Variants in ATRN observed in about 807,000 individuals in gnomAD.
ATRN encodes the protein attractin.
In ATRN, 54 loss-of-function variants were observed where a neutral mutation model predicts 178.7. That is an observed-to-expected ratio of 0.30 (90% CI 0.24 to 0.38). ATRN has a LOEUF of 0.38. ATRN is among the 10% of genes least tolerant of loss of function. ATRN has a pLI of 1.00. For missense variants in ATRN, 1,443 were observed against 1,815.1 expected (o/e 0.79, Z 3.73); for synonymous variants, 636 against 663.0 (o/e 0.96, Z 0.63).
At chr20:3,578,494 T>C in intron 14 of ATRN, 88 bp from the exon 15 acceptor site, 7 of 1,208,766 alleles carry the variant, frequency 5.8e-6, no homozygotes, top group Non-Finnish European at 8.0e-6. Flanking sequence ...AGAAAGGCCA[T>C]TTCGGTATTC....
At chr20:3,507,845 G>A (rs919835021) in intron 1 of ATRN, among the ~76,000 whole-genome samples, 4 of 151,876 alleles carry the variant, frequency 2.6e-5, no homozygotes, top group African/African-American at 7.2e-5. Context: ...ACCACGCTCA[G>A]CTAATTTTTG....
At chr20:3,516,182 A>T (rs1448081348) in intron 1 of ATRN, among the ~76,000 whole-genome samples, 1 of 152,224 alleles carries the variant, frequency 6.6e-6, no homozygotes. Context: ...AATAAGGTGT[A>T]AAAAGTGAAT....
chr20:3,604,730 C>T (rs1568759465), intron 24 of ATRN, among the ~76,000 whole-genome samples: 1 of 152,152 alleles, frequency 6.6e-6, no homozygotes, highest in South Asian at 2.1e-4. Context: ...AGAACATCAG[C>T]CTTCTAGTCA....
intron 1 of ATRN, among the ~76,000 whole-genome samples, chr20:3,534,300 G>A (rs2085493699): frequency 6.6e-6 from 1 of 152,178 alleles, no homozygotes; most frequent in Non-Finnish European, 1.5e-5. Flanking sequence ...CTGGAGAGAT[G>A]AGATAGTAGT....
At chr20:3,604,357 G>A (rs1568759232) in intron 24 of ATRN, 95 bp downstream of exon 24, 1 of 1,382,534 alleles carries the variant, frequency 7.2e-7, no homozygotes, top group Non-Finnish European at 9.7e-7. Flanking sequence ...TAAATGAGAT[G>A]TGCAATGTGG....
At chr20:3,544,817 C>A (rs2085674885) in intron 3 of ATRN, among the ~76,000 whole-genome samples, 1 of 144,972 alleles carries the variant, frequency 6.9e-6, no homozygotes. Flanking sequence ...GACCCTTTTA[C>A]TCAGTAAGGT....
At chr20:3,573,762 A>AT (rs375805158) in intron 12 of ATRN, among the ~76,000 whole-genome samples, 21 of 4,670 alleles carry the variant, frequency 4.5e-3, no homozygotes, top group African/African-American at 0.017. Flanking sequence ...ATTTTATTTT[A>AT]TTTATTTATT....
chr20:3,597,715 C>T (rs917413288), intron 21 of ATRN, among the ~76,000 whole-genome samples, 191 bp from the exon 22 acceptor site: 8 of 152,122 alleles, frequency 5.3e-5, no homozygotes, highest in African/African-American at 1.9e-4. Context: ...TTCTTTAAAG[C>T]GGTTTGATGG....
At chr20:3,488,693 G>C (rs925588572) in intron 1 of ATRN, among the ~76,000 whole-genome samples, 2 of 151,948 alleles carry the variant, frequency 1.3e-5, no homozygotes, top group African/African-American at 4.8e-5. Flanking sequence ...GGCTCTTCTT[G>C]GTCCATGGCA....
intron 6 of ATRN, among the ~76,000 whole-genome samples, chr20:3,556,859 G>A (rs912735940): frequency 6.6e-6 from 1 of 151,998 alleles, no homozygotes; most frequent in African/African-American, 2.4e-5. Flanking sequence ...GTTCACCTTA[G>A]CCAGATTATG....
chr20:3,580,793 C>T (rs760875601), intron 15 of ATRN, among the ~76,000 whole-genome samples: 2 of 152,164 alleles, frequency 1.3e-5, no homozygotes, highest in Admixed American at 6.5e-5. Context: ...CCAGACCCTG[C>T]GAGGCCATGG....
At chr20:3,492,376 C>G (rs2084807194) in intron 1 of ATRN, among the ~76,000 whole-genome samples, 1 of 152,070 alleles carries the variant, frequency 6.6e-6, no homozygotes, top group Admixed American at 6.6e-5. Flanking sequence ...AGACTTCATT[C>G]CACAGTCTGT....
intron 1 of ATRN, among the ~76,000 whole-genome samples, chr20:3,486,480 T>C (rs2084695692): frequency 6.6e-6 from 1 of 152,212 alleles, no homozygotes; most frequent in Admixed American, 6.5e-5. Flanking sequence ...TGATCTTGAC[T>C]CACTGCAACC....
At chr20:3,634,005 A>G (rs558605862) in intron 25 of ATRN, among the ~76,000 whole-genome samples, 2 of 152,256 alleles carry the variant, frequency 1.3e-5, no homozygotes, top group Admixed American at 6.5e-5. Context: ...ATTATCTTAG[A>G]ATTATTTTTC....
chr20:3,616,068 G>A (rs1447225787), intron 24 of ATRN: 1 of 165,088 alleles, frequency 6.1e-6, no homozygotes, highest in Non-Finnish European at 1.3e-5. Flanking sequence ...AGAAAAATGT[G>A]TTATTCCTTT....
intron 6 of ATRN, among the ~76,000 whole-genome samples, chr20:3,554,246 G>A (rs1313764154): frequency 2.0e-5 from 3 of 151,676 alleles, no homozygotes; most frequent in Non-Finnish European, 4.4e-5. Context: ...GAACTTTCAT[G>A]AAAAGTTAAT....
intron 3 of ATRN, 145 bp from the exon 4 acceptor site, chr20:3,545,617 C>T: frequency 2.1e-6 from 2 of 933,962 alleles, no homozygotes; most frequent in South Asian, 1.7e-5. Flanking sequence ...TAGGGTAGCA[C>T]TGTGTGTTTA....
intron 1 of ATRN, among the ~76,000 whole-genome samples, chr20:3,520,883 G>T (rs1156996717): frequency 6.6e-6 from 1 of 152,126 alleles, no homozygotes; most frequent in Non-Finnish European, 1.5e-5. Flanking sequence ...TAGATGGAAA[G>T]AACAAAATTA....
rs371318302 is a variant in ATRN at position 3,634,279 on chromosome 20, G to C, written c.3864-32G>C. ...CGGTGGGAGCTGATTCTGGGGGCTG[G>C]GATAATAACTCAGTACTTTCCTTTC... On this transcript the variant is annotated intron_variant, in intron 25 of 28. Coordinates refer to ENST00000262919, the MANE Select transcript of ATRN (RefSeq NM_139321.3). 60 of 1,600,918 alleles carry C rather than the reference G, an allele frequency of 3.7e-5. No individual in the cohort carries two copies. The African/African-American group carries it at 6.5e-4, about 17-fold the overall frequency.
Sources: gnomAD v4.1 joint callset for allele counts (sites outside exome capture counted in the v4.1 genomes callset) on GRCh38, gnomAD v4.1.1 for gene constraint, MANE v1.5 for transcripts, NCBI Gene and HGNC (gene_info 2026-07-23, HGNC 2026-07-21) for gene names.